The following DNAH12 variants were observed in gnomAD, a reference collection of about 807,000 sequenced individuals.
DNAH12 encodes the protein dynein axonemal heavy chain 12, also known as axonemal beta dynein heavy chain 12.
Under a neutral mutation model 371.5 loss-of-function variants are expected in DNAH12, and 285 were observed. The observed-to-expected ratio is 0.77, with a 90% CI of 0.70 to 0.85. DNAH12 has a LOEUF of 0.85. DNAH12 is among the 40% of genes least tolerant of loss of function. The probability of loss-of-function intolerance (pLI) is 0.00; values close to 1 mark genes in which losing one functional copy is unlikely to be tolerated. For missense variants in DNAH12, 3,611 were observed against 3,689.4 expected (o/e 0.98, Z 0.55); for synonymous variants, 1,200 against 1,213.0 (o/e 0.99, Z 0.22).
chr3:57,416,882 C>A (rs2153358363), intron 37 of DNAH12, among the ~76,000 whole-genome samples: 1 of 152,184 alleles, frequency 6.6e-6, no homozygotes, highest in African/African-American at 2.4e-5. Context: ...TCTGGAGAAT[C>A]CCTGTTTGAG....
chr3:57,447,854 T>TAGTAG (rs781573604), intron 25 of DNAH12, among the ~76,000 whole-genome samples: 1 of 152,122 alleles, frequency 6.6e-6, no homozygotes, highest in Non-Finnish European at 1.5e-5. Flanking sequence ...TTTGTATTTT[T>TAGTAG]AGTAGAGAAG....
In DNAH12 at chr3:57,507,951, G is replaced by A. The variant is rs112778303; in HGVS notation, c.702-113C>T. On this transcript the variant is annotated intron_variant, in intron 7 of 73. Transcript: ENST00000495027. The stretch of plus-strand genomic sequence containing the variant: ...CACCTGTAATCTCAGCACTTTGGGA[G>A]GCTGAGGCAGGCAGATCACGAGGTC... 5.4e-3 allele frequency: 4,821 copies of A among 884,920 alleles called. 164 individuals are homozygous for A. The African/African-American group carries it at 0.072, about 13-fold the overall frequency. The allele number at this position is 884,920 out of a possible 1,614,324, so 54.8% of individuals were successfully genotyped here.
At position 57,363,088 on chromosome 3, in the gene DNAH12, C is replaced by G. The variant is rs1204329650; in HGVS notation, c.9360+506G>C. Among the ~76,000 whole-genome samples the G allele has an allele frequency of 2.6e-5, 4 of 151,952 alleles. No individual in the cohort carries two copies. The East Asian group carries it at 7.7e-4, about 29-fold the overall frequency. On this transcript the variant is annotated intron_variant, in intron 58 of 73. Coordinates refer to ENST00000495027, the MANE Select transcript of DNAH12 (RefSeq NM_001366028.2). ...ATCCAGTTTCAACAGAGTTATAGAC[C>G]AATGGAACAGAACGGAGCCCTCAGA...
chr3:57,338,086 C>T (rs1421690958), intron 60 of DNAH12, among the ~76,000 whole-genome samples: 2 of 152,202 alleles, frequency 1.3e-5, no homozygotes, highest in East Asian at 1.9e-4. Context: ...GATCTTGGCT[C>T]GCTGCAACCT....
intron 60 of DNAH12, among the ~76,000 whole-genome samples, chr3:57,349,274 A>G (rs1203512446): frequency 1.3e-5 from 2 of 152,170 alleles, no homozygotes; most frequent in Non-Finnish European, 2.9e-5. Flanking sequence ...AAACCACAAC[A>G]TGATACCACC....
At chr3:57,474,699 C>G (rs2153381517) in intron 13 of DNAH12, among the ~76,000 whole-genome samples, 1 of 152,224 alleles carries the variant, frequency 6.6e-6, no homozygotes, top group South Asian at 2.1e-4. Flanking sequence ...TAGCTCACGC[C>G]TGTAATCCCA....
chr3:57,319,008 A>T (rs2061746360), intron 65 of DNAH12, among the ~76,000 whole-genome samples: 1 of 152,040 alleles, frequency 6.6e-6, no homozygotes, highest in Non-Finnish European at 1.5e-5. Flanking sequence ...TGAACATGGG[A>T]TATTTTTCCA....
At chr3:57,343,266 C>A (rs2062449386) in intron 60 of DNAH12, among the ~76,000 whole-genome samples, 2 of 152,138 alleles carry the variant, frequency 1.3e-5, no homozygotes, top group African/African-American at 2.4e-5. Flanking sequence ...TTGAAAAAGA[C>A]CTGTACTTTA....
intron 62 of DNAH12, among the ~76,000 whole-genome samples, chr3:57,332,013 C>A (rs1239909045): frequency 6.6e-6 from 1 of 152,088 alleles, no homozygotes; most frequent in Non-Finnish European, 1.5e-5. Context: ...AGTAATTTCC[C>A]CCCACCCTGC....
chr3:57,460,032 C>T (rs565084478), intron 19 of DNAH12, among the ~76,000 whole-genome samples: 1 of 152,154 alleles, frequency 6.6e-6, no homozygotes, highest in East Asian at 1.9e-4. Context: ...CCTAATTTCT[C>T]GGTGAGCCAT....
chr3:57,340,307 A>C (rs2062362961), intron 60 of DNAH12, among the ~76,000 whole-genome samples: 1 of 152,090 alleles, frequency 6.6e-6, no homozygotes, highest in Non-Finnish European at 1.5e-5. Context: ...AAAAAGGAAA[A>C]AAAAATAAAA....
At chr3:57,424,743 T>TCACTG (rs1207970230) in intron 35 of DNAH12, among the ~76,000 whole-genome samples, 3 of 147,948 alleles carry the variant, frequency 2.0e-5, no homozygotes, top group Non-Finnish European at 4.4e-5. Context: ...TGAGATCACG[T>TCACTG]CACTGCACTC....
intron 69 of DNAH12, among the ~76,000 whole-genome samples, chr3:57,305,304 C>T (rs1328855418): frequency 6.6e-6 from 1 of 151,998 alleles, no homozygotes; most frequent in East Asian, 1.9e-4. Flanking sequence ...TCTTTCTAAT[C>T]TTCCTTTTCT....
intron 15 of DNAH12, 139 bp from the exon 16 acceptor site, chr3:57,470,775 G>A (rs1254547517): frequency 2.8e-6 from 2 of 714,256 alleles, no homozygotes; most frequent in Non-Finnish European, 4.3e-6. Context: ...GGCGTGATCT[G>A]GGCTCACTGC....
intron 11 of DNAH12, among the ~76,000 whole-genome samples, chr3:57,490,631 C>G (rs1388036376): frequency 6.6e-6 from 1 of 152,060 alleles, no homozygotes; most frequent in Non-Finnish European, 1.5e-5. Context: ...ATTCTTCCTT[C>G]AGGAGAACTT....
At chr3:57,342,484 C>CAAAAAA (rs71088060) in intron 60 of DNAH12, among the ~76,000 whole-genome samples, 31 of 66,046 alleles carry the variant, frequency 4.7e-4, no homozygotes, top group African/African-American at 1.2e-3. Flanking sequence ...ACTAAAAATA[C>CAAAAAA]AAAAAAAAAA....
chr3:57,302,128 T>C (rs1271250315), intron 69 of DNAH12, among the ~76,000 whole-genome samples, 189 bp from the exon 70 acceptor site: 4 of 152,148 alleles, frequency 2.6e-5, no homozygotes, highest in South Asian at 2.1e-4. Flanking sequence ...TTTTAATCAT[T>C]ACATACATAT....
intron 69 of DNAH12, among the ~76,000 whole-genome samples, chr3:57,304,853 T>TG (rs1488684134): frequency 3.9e-5 from 6 of 152,012 alleles, no homozygotes; most frequent in Non-Finnish European, 8.8e-5. Context: ...TCCACTTTCC[T>TG]GGGGGGCAAG....
intron 37 of DNAH12, among the ~76,000 whole-genome samples, chr3:57,417,582 A>G (rs896347599): frequency 5.3e-5 from 8 of 152,216 alleles, no homozygotes; most frequent in Non-Finnish European, 1.2e-4. Flanking sequence ...CAAAAATGTT[A>G]TACCTTTACT....
Sources: allele counts gnomAD v4.1 joint callset (sites outside exome capture counted in the v4.1 genomes callset), GRCh38; gene constraint gnomAD v4.1.1; transcripts MANE v1.5; gene names NCBI Gene and HGNC (gene_info 2026-07-23, HGNC 2026-07-21).